The following GPC5 variants were observed in gnomAD, a reference collection of about 807,000 sequenced individuals.
The protein encoded by GPC5 is glypican-5.
In GPC5, 47 loss-of-function variants were observed where a neutral mutation model predicts 53.9. That is an observed-to-expected ratio of 0.87 (90% CI 0.69 to 1.11). The LOEUF is 1.11. Among genes scored for constraint, GPC5 ranks in the 50% most tolerant of loss-of-function variants. GPC5 has a pLI of 0.00. For missense variants in GPC5, 748 were observed against 713.1 expected (o/e 1.05, Z -0.56); for synonymous variants, 286 against 263.3 (o/e 1.09, Z -0.84).
chr13:92,609,585 G>A lies in GPC5; in HGVS notation c.1562-256697G>A, dbSNP rs547283887. ...GGACCTGAACCAGTGCCAATAATGA[G>A]TTTTATGCTCCTGCTGTGTTGACCA... On this transcript the variant is annotated intron_variant, in intron 7 of 7. Transcript: ENST00000377067. Among the ~76,000 whole-genome samples, 7 of 152,204 alleles carry A rather than the reference G, an allele frequency of 4.6e-5. No individual in the cohort carries two copies. In the South Asian group the frequency reaches 1.5e-3, roughly 32 times the overall value.
intron 7 of GPC5, among the ~76,000 whole-genome samples, chr13:92,711,888 C>G (rs1888150856): frequency 6.6e-6 from 1 of 151,646 alleles, no homozygotes; most frequent in Non-Finnish European, 1.5e-5. Context: ...AATGAAGATA[C>G]AACATATCAA....
intron 7 of GPC5, among the ~76,000 whole-genome samples, chr13:92,470,988 G>C (rs952240570): frequency 6.6e-6 from 1 of 152,122 alleles, no homozygotes; most frequent in South Asian, 2.1e-4. Context: ...TCTTTCTCGA[G>C]TTTGTATCAG....
chr13:92,258,330 G>T (rs1594043425), intron 7 of GPC5, among the ~76,000 whole-genome samples: 1 of 152,192 alleles, frequency 6.6e-6, no homozygotes, highest in Non-Finnish European at 1.5e-5. Context: ...CTGAAACCTG[G>T]CAAAAGATCC....
chr13:92,007,991 A>G (rs963915386), intron 6 of GPC5, among the ~76,000 whole-genome samples: 6 of 151,988 alleles, frequency 3.9e-5, no homozygotes, highest in African/African-American at 1.4e-4. Flanking sequence ...TATAAATTCT[A>G]TAATTCCTGG....
chr13:91,617,453 A>T (rs7995427), intron 2 of GPC5, among the ~76,000 whole-genome samples: 3 of 152,044 alleles, frequency 2.0e-5, no homozygotes, highest in African/African-American at 7.2e-5. Flanking sequence ...AAGCAACGGA[A>T]GGACATTAGG....
chr13:91,821,331 C>G (rs963108427), intron 5 of GPC5, among the ~76,000 whole-genome samples: 1 of 152,140 alleles, frequency 6.6e-6, no homozygotes, highest in Non-Finnish European at 1.5e-5. Context: ...ATCCAGCAAC[C>G]TTGTTAAACA....
chr13:92,690,254 C>A (rs1397564232), intron 7 of GPC5, among the ~76,000 whole-genome samples: 1 of 57,476 alleles, frequency 1.7e-5, no homozygotes, highest in Non-Finnish European at 2.9e-5. Context: ...TTCTTGGAGG[C>A]TTTGCTCATT....
intron 7 of GPC5, among the ~76,000 whole-genome samples, chr13:92,788,047 C>T (rs138096231): frequency 6.6e-6 from 1 of 151,830 alleles, no homozygotes; most frequent in African/African-American, 2.4e-5. Context: ...AGTGCATATC[C>T]AGTGCTGACC....
intron 7 of GPC5, among the ~76,000 whole-genome samples, chr13:92,275,723 A>C (rs75891486): frequency 0.049 from 7,388 of 152,160 alleles, 624 homozygotes; most frequent in African/African-American, 0.17. Context: ...TATAGTACCT[A>C]ATATTATAGG....
intron 2 of GPC5, among the ~76,000 whole-genome samples, chr13:91,569,449 T>C (rs769575518): frequency 2.0e-5 from 3 of 152,170 alleles, no homozygotes; most frequent in Non-Finnish European, 4.4e-5. Context: ...TACATCAGTT[T>C]CTGTACTATG....
intron 5 of GPC5, among the ~76,000 whole-genome samples, chr13:91,808,165 TA>T (rs1171899659): frequency 3.3e-5 from 5 of 152,184 alleles, no homozygotes; most frequent in African/African-American, 9.6e-5. Flanking sequence ...TGTAAAAGTT[TA>T]AAAACCTTCC....
intron 5 of GPC5, among the ~76,000 whole-genome samples, chr13:91,893,684 C>T (rs1014452804): frequency 6.6e-6 from 1 of 152,084 alleles, no homozygotes; most frequent in Admixed American, 6.6e-5. Flanking sequence ...TCTATGACCC[C>T]TATAGATAGT....
At chr13:92,654,930 G>T (rs1217006438) in intron 7 of GPC5, among the ~76,000 whole-genome samples, 3 of 152,132 alleles carry the variant, frequency 2.0e-5, no homozygotes, top group Non-Finnish European at 4.4e-5. Flanking sequence ...TAAGAAGAGG[G>T]AAATTTGGAG....
At chr13:91,664,903 T>C (rs1407157330) in intron 2 of GPC5, among the ~76,000 whole-genome samples, 1 of 152,240 alleles carries the variant, frequency 6.6e-6, no homozygotes, top group African/African-American at 2.4e-5. Flanking sequence ...GGACATTTTC[T>C]GAAACTGAGC....
chr13:92,827,028 C>T (rs530709192), intron 7 of GPC5, among the ~76,000 whole-genome samples: 1 of 152,162 alleles, frequency 6.6e-6, no homozygotes, highest in East Asian at 1.9e-4. Context: ...TTTCATGTCA[C>T]AGAATTCTTT....
chr13:92,000,007 A>G (rs1246189096), intron 6 of GPC5, among the ~76,000 whole-genome samples: 2 of 152,240 alleles, frequency 1.3e-5, no homozygotes, highest in Non-Finnish European at 2.9e-5. Flanking sequence ...GATCTCTATA[A>G]AACAAGCTTA....
intron 5 of GPC5, among the ~76,000 whole-genome samples, chr13:91,820,154 A>T (rs9560865): frequency 0.049 from 7,487 of 151,940 alleles, 370 homozygotes; most frequent in East Asian, 0.22. Context: ...GTTATTTTTT[A>T]AAAAAATATA....
At chr13:92,814,415 C>T (rs1022984559) in intron 7 of GPC5, among the ~76,000 whole-genome samples, 1 of 151,884 alleles carries the variant, frequency 6.6e-6, no homozygotes, top group Non-Finnish European at 1.5e-5. Context: ...AATTCCAGCA[C>T]TTTGGGAGGC....
At chr13:92,838,919 C>T (rs1018544984) in intron 7 of GPC5, among the ~76,000 whole-genome samples, 2 of 152,196 alleles carry the variant, frequency 1.3e-5, no homozygotes, top group African/African-American at 4.8e-5. Context: ...GAAGCTTATA[C>T]TTTAAACTCA....
Sources: gnomAD v4.1 joint callset for allele counts (sites outside exome capture counted in the v4.1 genomes callset) on GRCh38, gnomAD v4.1.1 for gene constraint, MANE v1.5 for transcripts, NCBI Gene and HGNC (gene_info 2026-07-23, HGNC 2026-07-21) for gene names.